The following ZNF365 variants were observed in gnomAD, a reference collection of about 807,000 sequenced individuals.
The protein encoded by ZNF365 is protein ZNF365.
ZNF365 carries 22 observed loss-of-function variants against 35.0 expected under a neutral mutation model. That is an observed-to-expected ratio of 0.63 (90% CI 0.45 to 0.90). The LOEUF (loss-of-function observed/expected upper bound fraction) is 0.90, where lower values mean the gene tolerates loss of function less well. Ranked by LOEUF, ZNF365 falls within the 40% of genes least tolerant of loss-of-function variation. ZNF365 has a pLI of 0.00. For missense variants in ZNF365, 448 were observed against 500.3 expected (o/e 0.90, Z 1.00); for synonymous variants, 188 against 196.2 (o/e 0.96, Z 0.35).
Position 62,399,936 on chromosome 10 carries a change from A to G in ZNF365, c.*147A>G. The G allele has an allele frequency of 7.3e-7, 1 of 1,378,166 alleles. No individual in the cohort carries two copies. The allele number at this position is 1,378,166 out of a possible 1,614,324, so 85.4% of individuals were successfully genotyped here. ...ACACAGGCAAGCACCTCAATTAACCAGAGCTTAGCAAATGGGAATCTTAGT... is the reference window on the plus strand; with the variant it reads ...ACACAGGCAAGCACCTCAATTAACCGGAGCTTAGCAAATGGGAATCTTAGT... On this transcript the variant is annotated 3_prime_UTR_variant, in exon 5 of 5. Coordinates refer to ENST00000395254, the MANE Select transcript of ZNF365 (RefSeq NM_014951.3).
At chr10:62,382,168 G>A (rs1839450698) in intron 2 of ZNF365, among the ~76,000 whole-genome samples, 1 of 152,190 alleles carries the variant, frequency 6.6e-6, no homozygotes, top group South Asian at 2.1e-4. Flanking sequence ...ATCTGATTTG[G>A]TAACTTGCTT....
intron 3 of ZNF365, among the ~76,000 whole-genome samples, chr10:62,446,703 C>G (rs527331677): frequency 6.6e-6 from 1 of 152,166 alleles, no homozygotes; most frequent in South Asian, 2.1e-4. Flanking sequence ...TTCAAAAAAG[C>G]CTGTGTGGTT....
chr10:62,461,764 A>C (rs1402873489), intron 4 of ZNF365, among the ~76,000 whole-genome samples: 1 of 152,254 alleles, frequency 6.6e-6, no homozygotes, highest in Non-Finnish European at 1.5e-5. Context: ...ATTCATACAT[A>C]GTGAAGCTAA....
Position 62,376,608 on chromosome 10 carries a change from C to G in ZNF365, c.415C>G (p.Leu139Val), listed in dbSNP as rs199538761. Residue 139 changes from leucine to valine, a missense_variant, in exon 2 of 5, where the codon CTG becomes GTG. This residue lies in a region of ZNF365 where 362 missense variants were observed against 375.7 expected (regional missense o/e 0.96). Transcript: ENST00000395254. The part of the protein sequence containing the change: ...YTAMDLHADS[L>V]DGTRSGPGLP... ...TGCCATGGACCTCCATGCAGACTCG[C>G]TGGATGGGACACGGTCGGGTCCTGG... is the stretch of plus-strand genomic sequence containing the variant. 1.9e-6 allele frequency: 3 copies of G among 1,614,168 alleles called. No homozygotes were observed. The highest frequency in any genetic ancestry group is 1.1e-5 in the South Asian group (1 of 91,090).
At chr10:62,420,301 A>G (rs954477963) in intron 3 of ZNF365, among the ~76,000 whole-genome samples, 1 of 152,196 alleles carries the variant, frequency 6.6e-6, no homozygotes, top group African/African-American at 2.4e-5. Context: ...TTGTTAGAAC[A>G]TGCTTGTAAA....
intron 2 of ZNF365, among the ~76,000 whole-genome samples, chr10:62,382,332 G>T (rs958642654): frequency 5.3e-5 from 8 of 152,178 alleles, no homozygotes. Context: ...GTGGAGAAGG[G>T]TCTGTTTGCT....
chr10:62,467,940 A>C (rs1175588443), intron 4 of ZNF365, among the ~76,000 whole-genome samples: 1 of 152,178 alleles, frequency 6.6e-6, no homozygotes, highest in Non-Finnish European at 1.5e-5. Flanking sequence ...CAACAATATA[A>C]GCTCAGGAGC....
chr10:62,471,527 T>C (rs140610907), intron 4 of ZNF365, among the ~76,000 whole-genome samples: 1 of 152,342 alleles, frequency 6.6e-6, no homozygotes, highest in Non-Finnish European at 1.5e-5. Context: ...GCATCCATAC[T>C]TGGAATAGCG....
intron 2 of ZNF365, among the ~76,000 whole-genome samples, chr10:62,378,578 A>G (rs1839374856): frequency 6.6e-6 from 1 of 152,218 alleles, no homozygotes; most frequent in Non-Finnish European, 1.5e-5. Flanking sequence ...GAAAAACTTG[A>G]ATAGGAGAGA....
rs906217151 is a variant in ZNF365 at position 62,400,675 on chromosome 10, G to A, written c.*886G>A. On this transcript the variant is annotated 3_prime_UTR_variant, in exon 5 of 5. Transcript: ENST00000395254. ...ATCGTGACCATCCTGGAAGCACTGC[G>A]GGTGTCGCCAAGCCCTTTCCTAAGA... 1.2e-5 allele frequency: 12 copies of A among 985,568 alleles called. No individual in the cohort carries two copies. Among genetic ancestry groups the A allele is most frequent in the East Asian group, 1.1e-4 (1 of 8,956 alleles). 61.1% of individuals were successfully genotyped at this position (985,568 alleles called of 1,614,324 possible).
intron 4 of ZNF365, among the ~76,000 whole-genome samples, chr10:62,463,156 G>A (rs769477491): frequency 3.3e-5 from 5 of 152,130 alleles, no homozygotes; most frequent in Non-Finnish European, 7.4e-5. Flanking sequence ...CACTTTATTA[G>A]GCTCAAGATG....
intron 4 of ZNF365, among the ~76,000 whole-genome samples, chr10:62,466,813 A>AT (rs1400406392): frequency 6.6e-6 from 1 of 151,280 alleles, no homozygotes; most frequent in Non-Finnish European, 1.5e-5. Flanking sequence ...GACTGTTTTT[A>AT]TTTTTTGGGA....
chr10:62,404,687 G>C (rs1276515791), downstream of ZNF365, among the ~76,000 whole-genome samples: 1 of 152,150 alleles, frequency 6.6e-6, no homozygotes, highest in Non-Finnish European at 1.5e-5. Flanking sequence ...CAAAATCCAT[G>C]AGTAACTTTT....
At chr10:62,450,994 T>C (rs1342238121) in intron 3 of ZNF365, among the ~76,000 whole-genome samples, 1 of 146,340 alleles carries the variant, frequency 6.8e-6, no homozygotes, top group African/African-American at 2.8e-5. Flanking sequence ...GATTTGCTTG[T>C]TGTTTTTTTA....
intron 3 of ZNF365, among the ~76,000 whole-genome samples, chr10:62,437,572 A>G (rs572983749): frequency 1.3e-5 from 2 of 152,150 alleles, no homozygotes; most frequent in Non-Finnish European, 2.9e-5. Flanking sequence ...TTTACATCTC[A>G]TGTTATGTTT....
At chr10:62,422,566 G>A (rs983692559) in intron 3 of ZNF365, among the ~76,000 whole-genome samples, 4 of 152,154 alleles carry the variant, frequency 2.6e-5, no homozygotes, top group Non-Finnish European at 5.9e-5. Flanking sequence ...GCAGCTAGAG[G>A]TGCTGTACAA....
intron 4 of ZNF365, among the ~76,000 whole-genome samples, chr10:62,468,212 T>G (rs1840975826): frequency 6.6e-6 from 1 of 152,208 alleles, no homozygotes; most frequent in Non-Finnish European, 1.5e-5. Flanking sequence ...TCCACCACCT[T>G]AGTATACAGT....
At chr10:62,459,614 T>C in intron 3 of ZNF365, 1 of 1,069,576 alleles carries the variant, frequency 9.3e-7, no homozygotes, top group Non-Finnish European at 1.3e-6. Flanking sequence ...GTTTCTAGCC[T>C]GGGAAAATAT....
chr10:62,410,150 C>T (rs992252381), intron 3 of ZNF365, among the ~76,000 whole-genome samples: 4 of 152,058 alleles, frequency 2.6e-5, no homozygotes, highest in East Asian at 1.9e-4. Flanking sequence ...TTTTGCCTCA[C>T]GGGACTGCCT....
Sources: allele counts gnomAD v4.1 joint callset (sites outside exome capture counted in the v4.1 genomes callset), GRCh38; gene constraint gnomAD v4.1.1; regional missense constraint gnomAD v4.1.1; transcripts MANE v1.5; gene names NCBI Gene and HGNC (gene_info 2026-07-23, HGNC 2026-07-21).